TIGAR: variants seen among roughly 807,000 people sequenced by gnomAD.
The protein encoded by TIGAR is fructose-2,6-bisphosphatase TIGAR.
A neutral mutation model predicts 17.9 loss-of-function variants in TIGAR; 7 were observed. The ratio of observed to expected loss-of-function variants is 0.39; its 90% CI spans 0.22 to 0.73. The LOEUF is 0.73. Among genes scored for constraint, TIGAR ranks in the 30% least tolerant of loss-of-function variants. The probability of loss-of-function intolerance (pLI) is 0.42; values close to 1 mark genes in which losing one functional copy is unlikely to be tolerated. For synonymous variants in TIGAR, 94 were observed against 108.6 expected (o/e 0.87, Z 0.84); for missense variants, 258 against 327.4 (o/e 0.79, Z 1.64).
At chr12:4,333,671 A>G (rs1864628147) in intron 2 of TIGAR, among the ~76,000 whole-genome samples, 1 of 152,016 alleles carries the variant, frequency 6.6e-6, no homozygotes, top group African/African-American at 2.4e-5. Flanking sequence ...GTTTTACCAC[A>G]TTGGTCAGGC....
At chr12:4,342,333 C>T (rs983974122) in intron 3 of TIGAR, among the ~76,000 whole-genome samples, 1 of 152,226 alleles carries the variant, frequency 6.6e-6, no homozygotes, top group Admixed American at 6.5e-5. Flanking sequence ...TCCAGGAGAA[C>T]TTCCCCAACC....
intron 1 of TIGAR, among the ~76,000 whole-genome samples, chr12:4,330,204 ATTATTAT>A (rs1253333115): frequency 3.9e-5 from 6 of 152,252 alleles, no homozygotes; most frequent in African/African-American, 1.4e-4. Flanking sequence ...TGACATTTTA[ATTATTAT>A]AAACTAGTGC....
chr12:4,324,595 T>G, intron 1 of TIGAR: 1 of 1,591,440 alleles, frequency 6.3e-7, no homozygotes, highest in East Asian at 2.3e-5. Flanking sequence ...CACTTCCGGC[T>G]TCTCCATGGG....
chr12:4,321,413 C>A lies in TIGAR; in HGVS notation c.32+110C>A. On this transcript the variant is annotated intron_variant, in intron 1 of 5. Coordinates refer to ENST00000179259, the MANE Select transcript of TIGAR (RefSeq NM_020375.3). The surrounding 1 kb of genome is among the most constrained non-coding windows in gnomAD (Gnocchi z 5.2). ...CTCTCCCCTCCCTGCTCGCTCCAGC[C>A]CGGGAGGGCTGGCTTGGAAGCGCTT... 1.3e-6 allele frequency: 2 copies of A among 1,502,450 alleles called. No individual in the cohort carries two copies. The highest frequency in any genetic ancestry group is 2.4e-5 in the East Asian group (1 of 41,878). 93.1% of individuals were successfully genotyped at this position (1,502,450 alleles called of 1,614,324 possible). A position where few individuals can be genotyped will look rare whatever the true frequency, so the allele number is the denominator to read the frequency against.
chr12:4,347,148 A>G (rs928132018), intron 3 of TIGAR, among the ~76,000 whole-genome samples: 4 of 152,240 alleles, frequency 2.6e-5, no homozygotes, highest in African/African-American at 9.6e-5. Flanking sequence ...AAATAATCCA[A>G]ATGTCCATCA....
At chr12:4,338,096 T>C (rs1046569984) in intron 3 of TIGAR, among the ~76,000 whole-genome samples, 13 of 151,896 alleles carry the variant, frequency 8.6e-5, no homozygotes, top group Non-Finnish European at 1.6e-4. Context: ...TGCCGTTGCA[T>C]GGTTGGGCTA....
At chr12:4,323,068 C>T (rs1407359867) in intron 1 of TIGAR, among the ~76,000 whole-genome samples, 1 of 150,752 alleles carries the variant, frequency 6.6e-6, no homozygotes, top group Non-Finnish European at 1.5e-5. Flanking sequence ...GAGTTCAAGA[C>T]CAGCCTGGGC....
chr12:4,324,419 G>T, intron 1 of TIGAR: 2 of 1,443,498 alleles, frequency 1.4e-6, no homozygotes, highest in East Asian at 2.3e-5. Context: ...CCGATGCCGG[G>T]CCGGCAGTGC....
At position 4,354,499 on chromosome 12, in the gene TIGAR, C is replaced by G. The variant is rs577892132; in HGVS notation, c.*1808C>G. 1 of 152,138 alleles carries G rather than the reference C, an allele frequency of 6.6e-6. No individual in the cohort carries two copies. The highest frequency in any genetic ancestry group is 2.1e-4 in the South Asian group (1 of 4,814). 9.4% of individuals were successfully genotyped at this position (152,138 alleles called of 1,614,324 possible). ...CTGTTCATCTGCTTGCAATGTTCAT[C>G]TGTTCCTTATATTTTCACCTAGTGT... is the stretch of plus-strand genomic sequence containing the variant. On this transcript the variant is annotated 3_prime_UTR_variant, in exon 6 of 6. Coordinates refer to ENST00000179259, the MANE Select transcript of TIGAR (RefSeq NM_020375.3).
At chr12:4,329,310 A>T (rs977014298) in intron 1 of TIGAR, among the ~76,000 whole-genome samples, 4 of 149,866 alleles carry the variant, frequency 2.7e-5, no homozygotes, top group Non-Finnish European at 4.4e-5. Flanking sequence ...TATTAGAAAT[A>T]ATACTGTAGC....
At chr12:4,322,059 T>C (rs1864486744) in intron 1 of TIGAR, among the ~76,000 whole-genome samples, 1 of 152,048 alleles carries the variant, frequency 6.6e-6, no homozygotes, top group African/African-American at 2.4e-5. Flanking sequence ...GCAGTGGCGC[T>C]ATCTCTGCTC....
rs1246184086 is a variant in TIGAR, at chr12:4,321,425, G to T, written c.32+122G>T. On this transcript the variant is annotated intron_variant, in intron 1 of 5. Coordinates refer to ENST00000179259, the MANE Select transcript of TIGAR (RefSeq NM_020375.3). This position sits in a 1 kb window ranked among gnomAD's most constrained non-coding sequence, Gnocchi z 5.2. ...TGCTCGCTCCAGCCCGGGAGGGCTG[G>T]CTTGGAAGCGCTTTTTCCGGGGCGC... The T allele has an allele frequency of 2.1e-6, 3 of 1,409,526 alleles. No homozygotes were observed. In the African/African-American group the frequency reaches 4.3e-5, roughly 20 times the overall value. The allele number at this position is 1,409,526 out of a possible 1,614,324, so 87.3% of individuals were successfully genotyped here. A position where few individuals can be genotyped will look rare whatever the true frequency, so the allele number is the denominator to read the frequency against.
rs1052783736 is a variant in TIGAR at position 4,355,601 on chromosome 12, G to T, written c.*2910G>T. Among the ~76,000 whole-genome samples the T allele has an allele frequency of 2.6e-5, 4 of 152,144 alleles. No individual in the cohort carries two copies. The highest frequency in any genetic ancestry group is 4.4e-5 in the Non-Finnish European group (3 of 68,040). On this transcript the variant is annotated 3_prime_UTR_variant, in exon 6 of 6. Coordinates refer to ENST00000179259, the MANE Select transcript of TIGAR (RefSeq NM_020375.3). ...CATCTATTCAATACGTATTTTTTGA[G>T]CATGGCACACACATGCCAGGCTATT...
chr12:4,341,137 C>T (rs934838145), intron 3 of TIGAR, among the ~76,000 whole-genome samples: 21 of 152,012 alleles, frequency 1.4e-4, no homozygotes, highest in Non-Finnish European at 2.6e-4. Flanking sequence ...TGTAAACTAC[C>T]CATCTGACAA....
At chr12:4,324,941 G>GTTT in intron 1 of TIGAR, 2 of 147,982 alleles carry the variant, frequency 1.4e-5, no homozygotes, top group East Asian at 1.1e-4. Context: ...TTTTGTTTTT[G>GTTT]CTTTTTTTTT....
intron 3 of TIGAR, among the ~76,000 whole-genome samples, chr12:4,337,799 A>T (rs1369016561): frequency 6.6e-6 from 1 of 152,180 alleles, no homozygotes; most frequent in Non-Finnish European, 1.5e-5. Flanking sequence ...GAAATAAAAG[A>T]CTTGTTAGAA....
chr12:4,336,944 T>C, intron 2 of TIGAR, 95 bp from the exon 3 acceptor site: 1 of 1,325,602 alleles, frequency 7.5e-7, no homozygotes, highest in Non-Finnish European at 9.9e-7. Flanking sequence ...TTCATTAAAA[T>C]TTAGATAAAT....
chr12:4,321,477 C>T lies in TIGAR; in HGVS notation c.32+174C>T, dbSNP rs1247600891. Reference sequence around the variant, plus strand: ...TGCCCTGGGGCCGTCCCGTGTCGCCCCTCCTCTCACCCCAGCAGCCCCGAG... The same window carrying T: ...TGCCCTGGGGCCGTCCCGTGTCGCCTCTCCTCTCACCCCAGCAGCCCCGAG... On this transcript the variant is annotated intron_variant, in intron 1 of 5. Transcript: ENST00000179259. This position sits in a 1 kb window ranked among gnomAD's most constrained non-coding sequence, Gnocchi z 5.2. Among the ~76,000 whole-genome samples, 2 of 152,188 alleles carry T rather than the reference C, an allele frequency of 1.3e-5. No homozygotes were observed. The highest frequency in any genetic ancestry group is 3.9e-4 in the East Asian group (2 of 5,182).
chr12:4,329,863 G>C (rs1283184689), intron 1 of TIGAR, among the ~76,000 whole-genome samples: 1 of 152,110 alleles, frequency 6.6e-6, no homozygotes, highest in African/African-American at 2.4e-5. Context: ...AGCCAGGATA[G>C]ACACAGAGCT....
Sources: gnomAD v4.1 joint callset for allele counts (sites outside exome capture counted in the v4.1 genomes callset) on GRCh38, gnomAD v4.1.1 for gene constraint, Gnocchi (gnomAD v3.1) non-coding constraint, MANE v1.5 for transcripts, NCBI Gene and HGNC (gene_info 2026-07-23, HGNC 2026-07-21) for gene names.